Variants in CISD3 observed in about 807,000 individuals in gnomAD.
The protein encoded by CISD3 is CDGSH iron sulfur domain 3, also known as CDGSH iron-sulfur domain-containing protein 3, mitochondrial.
A neutral mutation model predicts 14.1 loss-of-function variants in CISD3; 11 were observed. The observed-to-expected ratio is 0.78, with a 90% confidence interval of 0.49 to 1.29. The LOEUF (loss-of-function observed/expected upper bound fraction) is 1.29. Among genes scored for constraint, CISD3 ranks in the 50% most tolerant of loss-of-function variants. The probability of loss-of-function intolerance (pLI) is 0.00; values close to 1 mark genes in which losing one functional copy is unlikely to be tolerated. For synonymous variants in CISD3, 53 were observed against 69.2 expected (o/e 0.77, Z 1.16); for missense variants, 156 against 171.6 (o/e 0.91, Z 0.51).
At position 38,730,815 on chromosome 17, in the gene CISD3, C is replaced by T. The variant is rs149418830; in HGVS notation, c.84+20C>T. On this transcript the variant is annotated intron_variant, in intron 2 of 3. Coordinates refer to ENST00000613478, the MANE Select transcript of CISD3 (RefSeq NM_001136498.2). ...TGGCTGGTGAGTCCCCCCATCCTCC[C>T]CTCCTCCTCGCACAAGACCCCCAGG... 24 of 1,550,776 alleles carry T rather than the reference C, an allele frequency of 1.5e-5. No homozygotes were observed. The highest frequency in any genetic ancestry group is 1.2e-4 in the East Asian group (5 of 40,920).
At position 38,735,374 on chromosome 17, in the gene CISD3, G is replaced by A; in HGVS notation, c.*1919G>A. ...AGGGGGAGTGGGGGAGGTAGGGTGG[G>A]TGGCTGGAGGCCCATGGGAACTGGG... On this transcript the variant is annotated 3_prime_UTR_variant, in exon 4 of 4. Transcript: ENST00000613478. 1 of 1,564,448 alleles carries A rather than the reference G, an allele frequency of 6.4e-7. No individual in the cohort carries two copies. The highest frequency in any genetic ancestry group is 2.4e-5 in the East Asian group (1 of 42,258).
chr17:38,730,645 C>T, intron 1 of CISD3, 115 bp from the exon 2 acceptor site: 2 of 1,080,510 alleles, frequency 1.9e-6, no homozygotes, highest in African/African-American at 1.6e-5. Flanking sequence ...CCCCTTCAGC[C>T]CTGTCACCTC....
rs1906514383 is a variant in CISD3 at position 38,734,436 on chromosome 17, TA to T, written c.*984del. ...GTGGGGGTGCAGCGCTTCACAATGC[TA>T]AAGCCTTAGCCCTCCTCCAAGAGCT... On this transcript the variant is annotated 3_prime_UTR_variant, in exon 4 of 4. Coordinates refer to ENST00000613478, the MANE Select transcript of CISD3 (RefSeq NM_001136498.2). The T allele has an allele frequency of 6.6e-6, 1 of 151,426 alleles. No individual in the cohort carries two copies. The highest frequency in any genetic ancestry group is 6.6e-5 in the Admixed American group (1 of 15,150). The allele number at this position is 151,426 out of a possible 1,614,324, so 9.4% of individuals were successfully genotyped here.
rs545462980 is a variant in CISD3, at chr17:38,734,672, G to A, written c.*1217G>A. The A allele has an allele frequency of 6.5e-6, 1 of 152,862 alleles. No individual in the cohort carries two copies. Among genetic ancestry groups the A allele is most frequent in the East Asian group, 1.9e-4 (1 of 5,188 alleles). The allele number at this position is 152,862 out of a possible 1,614,324, so 9.5% of individuals were successfully genotyped here. A position where few individuals can be genotyped will look rare whatever the true frequency, so the allele number is the denominator to read the frequency against. The stretch of plus-strand genomic sequence containing the variant: ...GCATTTGTAAAAGGCACTGTTCTTA[G>A]CAATTTCTGGACATTCAACAACGTG... On this transcript the variant is annotated 3_prime_UTR_variant, in exon 4 of 4. Coordinates refer to ENST00000613478, the MANE Select transcript of CISD3 (RefSeq NM_001136498.2).
At chr17:38,730,869 A>G (rs1044470294) in intron 2 of CISD3, 74 bp downstream of exon 2, 7 of 1,450,358 alleles carry the variant, frequency 4.8e-6, no homozygotes, top group Non-Finnish European at 6.6e-6. Flanking sequence ...AGAAACAGGA[A>G]ATGGAGCTAG....
In CISD3 at chr17:38,734,919, A is replaced by T; in HGVS notation, c.*1464A>T. 1 of 219,084 alleles carries T rather than the reference A, an allele frequency of 4.6e-6. No homozygotes were observed. The highest frequency in any genetic ancestry group is 8.8e-6 in the Non-Finnish European group (1 of 113,698). The allele number at this position is 219,084 out of a possible 1,614,324, so 13.6% of individuals were successfully genotyped here. On this transcript the variant is annotated 3_prime_UTR_variant, in exon 4 of 4. Transcript: ENST00000613478. Reference sequence around the variant, plus strand: ...TGGCCCATCCAGTTCATCTCCAGGCACCCCCAAAAACAGCAAATTACACAA... The same window carrying T: ...TGGCCCATCCAGTTCATCTCCAGGCTCCCCCAAAAACAGCAAATTACACAA...
chr17:38,731,535 C>A, intron 3 of CISD3, 96 bp downstream of exon 3: 1 of 1,489,266 alleles, frequency 6.7e-7, no homozygotes, highest in Non-Finnish European at 9.1e-7. Flanking sequence ...ATTCTTCCCA[C>A]ACATACCTGA....
rs1300364118 is a variant in CISD3, at chr17:38,733,307, G to A, written c.236G>A (p.Arg79His). The A allele has an allele frequency of 5.8e-6, 9 of 1,551,618 alleles. 2 individuals carry two copies. Among genetic ancestry groups the A allele is most frequent in the South Asian group, 4.8e-5 (4 of 84,058 alleles). ...PFCDGSHFFQRTGLSPLKFKA... is the reference protein window; with the variant it reads ...PFCDGSHFFQHTGLSPLKFKA... Reference sequence around the variant, plus strand: ...TGTGACGGCTCCCACTTCTTCCAACGCACTGGCCTATCTCCACTCAAGTTC... The same window carrying A: ...TGTGACGGCTCCCACTTCTTCCAACACACTGGCCTATCTCCACTCAAGTTC... Residue 79 changes from arginine to histidine, a missense_variant, in exon 4 of 4, where the codon CGC becomes CAC. By Grantham distance (29) the Arg-to-His change is conservative (BLOSUM62 0). Coordinates refer to ENST00000613478, the MANE Select transcript of CISD3 (RefSeq NM_001136498.2).
chr17:38,731,054 C>T (rs1906311455), intron 2 of CISD3: 1 of 637,458 alleles, frequency 1.6e-6, no homozygotes, highest in Non-Finnish European at 2.7e-6. Flanking sequence ...CCCGCCTTCC[C>T]TAGCACGCAG....
intron 1 of CISD3, 37 bp from the exon 2 acceptor site, chr17:38,730,723 C>A: frequency 4.5e-6 from 7 of 1,550,742 alleles, no homozygotes; most frequent in Non-Finnish European, 6.1e-6. Context: ...TCCAAACCAC[C>A]GTCTTGTGAT....
intron 3 of CISD3, among the ~76,000 whole-genome samples, chr17:38,732,479 C>T (rs1476713182): frequency 6.6e-6 from 1 of 152,146 alleles, no homozygotes; most frequent in Non-Finnish European, 1.5e-5. Flanking sequence ...ACAAATGCCT[C>T]TACCCCCACC....
chr17:38,735,341 G>T lies in CISD3; in HGVS notation c.*1886G>T. 6.4e-7 allele frequency: 1 copy of T among 1,554,448 alleles called. No homozygotes were observed. The highest frequency in any genetic ancestry group is 8.7e-7 in the Non-Finnish European group (1 of 1,145,856). On this transcript the variant is annotated 3_prime_UTR_variant, in exon 4 of 4. Coordinates refer to ENST00000613478, the MANE Select transcript of CISD3 (RefSeq NM_001136498.2). ...GTTGGCAGCTGTGGTGGCCCCACTG[G>T]CTGTCGAAGGGGGAGTGGGGGAGGT... is the stretch of plus-strand genomic sequence containing the variant.
Position 38,735,420 on chromosome 17 carries a change from C to T in CISD3, c.*1965C>T. On this transcript the variant is annotated 3_prime_UTR_variant, in exon 4 of 4. Transcript: ENST00000613478. The stretch of plus-strand genomic sequence containing the variant: ...CTGGGAGAGCCATGGGATGGGGTGG[C>T]TGGGCTGGGCAGGGAGGAGGAGGTG... The T allele has an allele frequency of 1.3e-6, 2 of 1,575,060 alleles. No homozygotes were observed. Among genetic ancestry groups the T allele is most frequent in the Non-Finnish European group, 1.7e-6 (2 of 1,159,840 alleles).
rs916061437 is a variant in CISD3 at position 38,735,523 on chromosome 17, G to A, written c.*2068G>A. On this transcript the variant is annotated 3_prime_UTR_variant, in exon 4 of 4. Transcript: ENST00000613478. ...ACGCCCCGCTGGTGTTGGTGCCCTC[G>A]GAGGGGGTGGGCACCGTGGCTAGGG... 1.1e-5 allele frequency: 18 copies of A among 1,590,024 alleles called. No individual in the cohort carries two copies. Among genetic ancestry groups the A allele is most frequent in the Non-Finnish European group, 1.4e-5 (16 of 1,168,432 alleles).
Position 38,735,315 on chromosome 17 carries a change from C to T in CISD3, c.*1860C>T, listed in dbSNP as rs746445618. 5.9e-6 allele frequency: 9 copies of T among 1,535,016 alleles called. No individual in the cohort carries two copies. Among genetic ancestry groups the T allele is most frequent in the Non-Finnish European group, 7.9e-6 (9 of 1,134,568 alleles). The stretch of plus-strand genomic sequence containing the variant: ...GTCTGCAGGCAGTTCAAGCTACCCC[C>T]GTTGGCAGCTGTGGTGGCCCCACTG... On this transcript the variant is annotated 3_prime_UTR_variant, in exon 4 of 4. Coordinates refer to ENST00000613478, the MANE Select transcript of CISD3 (RefSeq NM_001136498.2).
rs1388200952 is a variant in CISD3, at chr17:38,735,016, TTTAAA to T, written c.*1566_*1570del. 3 of 394,576 alleles carry T rather than the reference TTTAAA, an allele frequency of 7.6e-6. No homozygotes were observed. The allele number at this position is 394,576 out of a possible 1,614,324, so 24.4% of individuals were successfully genotyped here. On this transcript the variant is annotated 3_prime_UTR_variant, in exon 4 of 4. Transcript: ENST00000613478. ...CACATAAAGTTTGTTTCCTGTGGCA[TTTAAA>T]TTAATCTGGTTGGTCCATAGAAAAT...
Position 38,735,386 on chromosome 17 carries a change from C to G in CISD3, c.*1931C>G. 1 of 1,567,722 alleles carries G rather than the reference C, an allele frequency of 6.4e-7. No homozygotes were observed. The highest frequency in any genetic ancestry group is 8.7e-7 in the Non-Finnish European group (1 of 1,155,534). ...GGAGGTAGGGTGGGTGGCTGGAGGC[C>G]CATGGGAACTGGGAGAGCCATGGGA... On this transcript the variant is annotated 3_prime_UTR_variant, in exon 4 of 4. Coordinates refer to ENST00000613478, the MANE Select transcript of CISD3 (RefSeq NM_001136498.2).
rs549628502 is a variant in CISD3 at position 38,730,369 on chromosome 17, C to T, written c.11C>T (p.Ala4Val). Residue 4 changes from alanine to valine, a missense_variant, in exon 1 of 4, where the codon GCG becomes GTG. Physicochemically the swap from Ala to Val is moderately conservative, Grantham distance 64. Coordinates refer to ENST00000613478, the MANE Select transcript of CISD3 (RefSeq NM_001136498.2). MRG[A>V]GAILRPAARG... is the part of the protein sequence containing the mutation. ...GCGCGGGAGGCGACCATGCGCGGCG[C>T]GGGGGCGATCCTGCGGCCGGCGGCG... 11 of 1,181,900 alleles carry T rather than the reference C, an allele frequency of 9.3e-6. No homozygotes were observed. In the African/African-American group the frequency reaches 1.4e-4, roughly 15 times the overall value. The allele number at this position is 1,181,900 out of a possible 1,614,324, so 73.2% of individuals were successfully genotyped here. A position where few individuals can be genotyped will look rare whatever the true frequency, so the allele number is the denominator to read the frequency against.
Position 38,735,072 on chromosome 17 carries a change from T to C in CISD3, c.*1617T>C, listed in dbSNP as rs1447221599. 3 of 475,326 alleles carry C rather than the reference T, an allele frequency of 6.3e-6. No individual in the cohort carries two copies. Among genetic ancestry groups the C allele is most frequent in the East Asian group, 7.0e-5 (2 of 28,718 alleles). 29.4% of individuals were successfully genotyped at this position (475,326 alleles called of 1,614,324 possible). A position where few individuals can be genotyped will look rare whatever the true frequency, so the allele number is the denominator to read the frequency against. ...AAGTATGTATATTTGGTTTTTCCTA[T>C]GTACATATATATATATATTTATTTA... is the stretch of plus-strand genomic sequence containing the variant. On this transcript the variant is annotated 3_prime_UTR_variant, in exon 4 of 4. Coordinates refer to ENST00000613478, the MANE Select transcript of CISD3 (RefSeq NM_001136498.2).
Sources: gnomAD v4.1 joint callset for allele counts (sites outside exome capture counted in the v4.1 genomes callset) on GRCh38, gnomAD v4.1.1 for gene constraint, MANE v1.5 for transcripts, NCBI Gene and HGNC (gene_info 2026-07-23, HGNC 2026-07-21) for gene names.